The following TRMU variants were observed in gnomAD, a reference collection of about 807,000 sequenced individuals.
TRMU encodes tRNA mitochondrial 2-thiouridylase.
A neutral mutation model predicts 46.9 loss-of-function variants in TRMU; 49 were observed. That is an observed-to-expected ratio of 1.05 (90% CI 0.83 to 1.33). The LOEUF (loss-of-function observed/expected upper bound fraction) is 1.33, where lower values mean the gene tolerates loss of function less well. Ranked by LOEUF, TRMU falls within the 40% of genes most tolerant of loss-of-function variation. The pLI is 0.00. For missense variants in TRMU, 572 were observed against 532.4 expected (o/e 1.07, Z -0.73); for synonymous variants, 241 against 200.9 (o/e 1.20, Z -1.69).
At chr22:46,355,175 G>A in intron 8 of TRMU, 3 of 571,560 alleles carry the variant, frequency 5.2e-6, no homozygotes, top group Non-Finnish European at 3.1e-6. Context: ...AGCATTCACT[G>A]TCATGGGCTC....
At position 46,350,614 on chromosome 22, in the gene TRMU, G is replaced by A. The variant is rs1261185269; in HGVS notation, c.651+151G>A. 96 of 960,102 alleles carry A rather than the reference G, an allele frequency of 1.0e-4. 1 individual carries two copies. The South Asian group carries it at 1.2e-3, about 12-fold the overall frequency. The allele number at this position is 960,102 out of a possible 1,614,324, so 59.5% of individuals were successfully genotyped here. A position where few individuals can be genotyped will look rare whatever the true frequency, so the allele number is the denominator to read the frequency against. On this transcript the variant is annotated intron_variant, in intron 5 of 10. Coordinates refer to ENST00000645190, the MANE Select transcript of TRMU (RefSeq NM_018006.5). The surrounding 1 kb of genome is among the most constrained non-coding windows in gnomAD (Gnocchi z 4.6). ...CTTGGAGCAATAGATGGAGGAGTTT[G>A]CTGAGGCGCACGGTACAGGGCTCTG...
In TRMU at chr22:46,351,269, C is replaced by T. The variant is rs1010281; in HGVS notation, c.651+806C>T. ...TGTGGCCCCAGCTCCTCAGGAGGAT[C>T]GAGCGCACCCAGGAGTTTGAGGACA... On this transcript the variant is annotated intron_variant, in intron 5 of 10. Transcript: ENST00000645190. This position sits in a 1 kb window ranked among gnomAD's most constrained non-coding sequence, Gnocchi z 6.4. Among the ~76,000 whole-genome samples the T allele has an allele frequency of 0.032, 4,897 of 152,242 alleles. 275 individuals carry two copies. Among genetic ancestry groups the T allele is most frequent in the African/African-American group, 0.11 (4,588 of 41,510 alleles).
chr22:46,336,156 G>T lies in TRMU; in HGVS notation c.82+310G>T. 5.5e-6 allele frequency: 7 copies of T among 1,276,584 alleles called. No individual in the cohort carries two copies. The highest frequency in any genetic ancestry group is 7.0e-6 in the Non-Finnish European group (7 of 1,005,942). 79.1% of individuals were successfully genotyped at this position (1,276,584 alleles called of 1,614,324 possible). A position where few individuals can be genotyped will look rare whatever the true frequency, so the allele number is the denominator to read the frequency against. On this transcript the variant is annotated intron_variant, in intron 1 of 10. Coordinates refer to ENST00000645190, the MANE Select transcript of TRMU (RefSeq NM_018006.5). This position sits in a 1 kb window ranked among gnomAD's most constrained non-coding sequence, Gnocchi z 4.1. Reference sequence around the variant, plus strand: ...GGGTGGGGAGGGAAGGGTTTCTCACGGATCTGCGGCGTCCACATTCACCTG... The same window carrying T: ...GGGTGGGGAGGGAAGGGTTTCTCACTGATCTGCGGCGTCCACATTCACCTG...
At chr22:46,352,600 C>T (rs987125771) in intron 7 of TRMU, 12 of 550,994 alleles carry the variant, frequency 2.2e-5, no homozygotes, top group African/African-American at 1.9e-4. Flanking sequence ...CTGTGAGTTA[C>T]GTATCAAGTC....
At chr22:46,355,198 T>G in intron 8 of TRMU, 2 of 610,982 alleles carry the variant, frequency 3.3e-6, no homozygotes, top group South Asian at 3.9e-5. Context: ...ATCTCACCCC[T>G]GCCTCTTGCC....
In TRMU at chr22:46,339,681, T is replaced by C. The variant is rs1394004075; in HGVS notation, c.248+1737T>C. 6.6e-6 allele frequency among the ~76,000 whole-genome samples: 1 copy of C among 152,058 alleles called. No individual in the cohort carries two copies. The highest frequency in any genetic ancestry group is 1.5e-5 in the Non-Finnish European group (1 of 67,996). Reference sequence around the variant, plus strand: ...GCCCAAAAAACCATTGAAATAACAATAAAACGAAATTTAGAGAGATTAAGT... The same window carrying C: ...GCCCAAAAAACCATTGAAATAACAACAAAACGAAATTTAGAGAGATTAAGT... On this transcript the variant is annotated intron_variant, in intron 2 of 10. Coordinates refer to ENST00000645190, the MANE Select transcript of TRMU (RefSeq NM_018006.5). This position sits in a 1 kb window ranked among gnomAD's most constrained non-coding sequence, Gnocchi z 4.8.
At chr22:46,354,694 T>C (rs1424802529) in intron 8 of TRMU, 1 of 152,576 alleles carries the variant, frequency 6.6e-6, no homozygotes, top group Non-Finnish European at 1.5e-5. Flanking sequence ...GCGAATGAAT[T>C]AAATGATCTA....
chr22:46,355,845 C>T (rs1014033441), intron 9 of TRMU, 145 bp from the exon 10 acceptor site: 35 of 1,050,940 alleles, frequency 3.3e-5, no homozygotes, highest in East Asian at 7.7e-5. Flanking sequence ...TGTCCTGCTG[C>T]GTCCAGGGCC....
intron 9 of TRMU, 129 bp downstream of exon 9, chr22:46,355,717 A>C: frequency 6.8e-7 from 1 of 1,468,136 alleles, no homozygotes; most frequent in Non-Finnish European, 9.4e-7. Context: ...AGATTACCTA[A>C]AGTATTTAGA....
chr22:46,338,524 C>A lies in TRMU; in HGVS notation c.248+580C>A, dbSNP rs1226265590. 1.3e-5 allele frequency among the ~76,000 whole-genome samples: 2 copies of A among 152,166 alleles called. No individual in the cohort carries two copies. The highest frequency in any genetic ancestry group is 2.4e-5 in the African/African-American group (1 of 41,432). ...ATCTTCACAAGAGGTGACAGTGATG[C>A]GTGGCACGCAGGAAGTACCAGTGAT... is the stretch of plus-strand genomic sequence containing the variant. On this transcript the variant is annotated intron_variant, in intron 2 of 10. Transcript: ENST00000645190. The surrounding 1 kb of genome is among the most constrained non-coding windows in gnomAD (Gnocchi z 4.5).
rs773745635 is a variant in TRMU at position 46,355,450 on chromosome 22, C to G, written c.880C>G (p.Arg294Gly). ...SVKGDVFVAPRTDHPALYRDL... is the reference protein window; with the variant it reads ...SVKGDVFVAPGTDHPALYRDL... Reference sequence around the variant, plus strand: ...TTCACATTCCATTCTGCAGGCCCCCCGGACAGACCACCCAGCCCTGTACAG... The same window carrying G: ...TTCACATTCCATTCTGCAGGCCCCCGGGACAGACCACCCAGCCCTGTACAG... The change falls in exon 9 of 11, where the codon CGG (arginine) becomes GGG (glycine). Residue 294 changes from arginine to glycine, a missense_variant. By Grantham distance (125) the Arg-to-Gly change is moderately radical. Coordinates refer to ENST00000645190, the MANE Select transcript of TRMU (RefSeq NM_018006.5). The G allele has an allele frequency of 5.0e-6, 8 of 1,612,542 alleles. No homozygotes were observed. Among genetic ancestry groups the G allele is most frequent in the Non-Finnish European group, 6.8e-6 (8 of 1,179,650 alleles).
chr22:46,352,516 C>A, intron 7 of TRMU, 186 bp downstream of exon 7: 1 of 679,256 alleles, frequency 1.5e-6, no homozygotes, highest in Non-Finnish European at 2.6e-6. Flanking sequence ...TGGCTGGGTG[C>A]ACTTCCAGAT....
rs1253028633 is a variant in TRMU at position 46,352,142 on chromosome 22, G to A, written c.673G>A (p.Gly225Arg). The A allele has an allele frequency of 8.1e-6, 13 of 1,613,786 alleles. No individual in the cohort carries two copies. Among genetic ancestry groups the A allele is most frequent in the African/African-American group, 2.7e-5 (2 of 75,016 alleles). ...TCAGAGCATGGGCATGTGTTTCATC[G>A]GGAAGAGGAATTTTGAACATTTCCT... Reference protein sequence around the residue: ...KKESMGMCFIGKRNFEHFLLQ... With the variant: ...KKESMGMCFIRKRNFEHFLLQ... The change falls in exon 6 of 11, where the codon GGG (glycine) becomes AGG (arginine). Residue 225 changes from glycine (G) to arginine (R), a missense_variant. Transcript: ENST00000645190.
intron 2 of TRMU, 114 bp from the exon 3 acceptor site, chr22:46,343,146 TTA>T: frequency 1.3e-6 from 1 of 768,764 alleles, no homozygotes; most frequent in Non-Finnish European, 2.1e-6. Context: ...TTGCAGAAAA[TTA>T]TAGTTTTGGT....
chr22:46,350,662 C>T lies in TRMU; in HGVS notation c.651+199C>T, dbSNP rs535540003. On this transcript the variant is annotated intron_variant, in intron 5 of 10. Coordinates refer to ENST00000645190, the MANE Select transcript of TRMU (RefSeq NM_018006.5). The surrounding 1 kb of genome is among the most constrained non-coding windows in gnomAD (Gnocchi z 4.6). ...CTGCTGACATCGGGAGCAGCCTATA[C>T]GAGACTCCTTGCTTTTTTCCTCTCC... is the stretch of plus-strand genomic sequence containing the variant. 3.3e-5 allele frequency among the ~76,000 whole-genome samples: 5 copies of T among 152,188 alleles called. No individual in the cohort carries two copies. Among genetic ancestry groups the T allele is most frequent in the African/African-American group, 7.2e-5 (3 of 41,436 alleles).
At chr22:46,355,051 C>T (rs554464372) in intron 8 of TRMU, 7 of 302,368 alleles carry the variant, frequency 2.3e-5, no homozygotes, top group African/African-American at 6.5e-5. Context: ...GAGAAGAGCC[C>T]GTGGTGTGGC....
rs2078160821 is a variant in TRMU at position 46,342,993 on chromosome 22, A to C, written c.249-269A>C. Among the ~76,000 whole-genome samples the C allele has an allele frequency of 6.6e-6, 1 of 151,838 alleles. No homozygotes were observed. Among genetic ancestry groups the C allele is most frequent in the Non-Finnish European group, 1.5e-5 (1 of 67,982 alleles). ...GGGTTTTAGTGAGACCCTCACGGCC[A>C]CTCCCCACTCCTGACCCCATAAGCC... On this transcript the variant is annotated intron_variant, in intron 2 of 10. Transcript: ENST00000645190. The surrounding 1 kb of genome is among the most constrained non-coding windows in gnomAD (Gnocchi z 4.7).
Position 46,343,332 on chromosome 22 carries a change from T to C in TRMU, c.319T>C (p.Phe107Leu), listed in dbSNP as rs1252918652. The C allele has an allele frequency of 6.2e-7, 1 of 1,613,952 alleles. No homozygotes were observed. The highest frequency in any genetic ancestry group is 1.1e-5 in the South Asian group (1 of 91,078). The part of the protein sequence containing the change: ...PDIVCNKHIK[F>L]SCFFHYAVDN... ...CATAGTTTGCAACAAGCACATCAAA[T>C]TTAGTTGCTTTTTTCATTATGCTGT... The change falls in exon 3 of 11, where the codon TTT (phenylalanine) becomes CTT (leucine). Residue 107 changes from phenylalanine (F) to leucine (L), a missense_variant. Phe to Leu is a conservative substitution (Grantham distance 22). Transcript: ENST00000645190.
chr22:46,356,156 T>C lies in TRMU; in HGVS notation c.1101+84T>C, dbSNP rs139817994. ...GCACCCGGGTTACAGAGGAAGGGGCTGAGGCCCAGGAGTAGGGTGTGCTCG... is the reference window on the plus strand; with the variant it reads ...GCACCCGGGTTACAGAGGAAGGGGCCGAGGCCCAGGAGTAGGGTGTGCTCG... On this transcript the variant is annotated intron_variant, in intron 10 of 10. Coordinates refer to ENST00000645190, the MANE Select transcript of TRMU (RefSeq NM_018006.5). The C allele has an allele frequency of 1.3e-4, 197 of 1,513,344 alleles. 1 individual carries two copies. The African/African-American group carries it at 2.1e-3, about 16-fold the overall frequency. The allele number at this position is 1,513,344 out of a possible 1,614,324, so 93.7% of individuals were successfully genotyped here.
Sources: gnomAD v4.1 joint callset for allele counts (sites outside exome capture counted in the v4.1 genomes callset) on GRCh38, gnomAD v4.1.1 for gene constraint, Gnocchi (gnomAD v3.1) non-coding constraint, MANE v1.5 for transcripts, NCBI Gene and HGNC (gene_info 2026-07-23, HGNC 2026-07-21) for gene names.